Variants in SH3YL1 observed in about 807,000 individuals in gnomAD.
SH3YL1 encodes the protein SH3 domain-containing YSC84-like protein 1.
Under a neutral mutation model 45.8 loss-of-function variants are expected in SH3YL1, and 41 were observed. That is an observed-to-expected ratio of 0.89 (90% CI 0.70 to 1.16). The LOEUF (loss-of-function observed/expected upper bound fraction) is 1.16. SH3YL1 is among the 50% of genes most tolerant of loss of function. The pLI is 0.00. For missense variants in SH3YL1, 389 were observed against 409.6 expected, an observed-to-expected ratio of 0.95 and a Z score of 0.43; for synonymous variants, 152 against 151.4, an observed-to-expected ratio of 1.00 and a Z score of -0.03.
At chr2:228,696 G>A (rs999961069) in intron 8 of SH3YL1, among the ~76,000 whole-genome samples, 34 of 152,116 alleles carry the variant, frequency 2.2e-4, no homozygotes, top group Non-Finnish European at 4.3e-4. Flanking sequence ...AGTGGACCAC[G>A]GCTTATCCCA....
intron 8 of SH3YL1, among the ~76,000 whole-genome samples, chr2:225,886 T>G (rs747715699): frequency 6.6e-6 from 1 of 152,098 alleles, no homozygotes; most frequent in South Asian, 2.1e-4. Context: ...TCTCAACAAA[T>G]GGAAAGCATG....
intron 7 of SH3YL1, 136 bp from the exon 8 acceptor site, chr2:230,180 A>G (rs1667974059): frequency 1.6e-6 from 1 of 606,710 alleles, no homozygotes; most frequent in East Asian, 2.8e-5. Flanking sequence ...CTCAAAGCTC[A>G]CATGCACCCC....
rs1354585789 is a variant in SH3YL1 at position 234,213 on chromosome 2, G to A, written c.351C>T (p.Gly117=). Residue 117 remains glycine, a synonymous_variant, in exon 5 of 10, where the codon GGC becomes GGT. Coordinates refer to ENST00000356150, the MANE Select transcript of SH3YL1 (RefSeq NM_015677.4). ...AGTTCCCTCCGAGGGTCAGATTTCCGCCTTTTGCAAAAGCTTCTACAGCAC... is the reference window on the plus strand; with the variant it reads ...AGTTCCCTCCGAGGGTCAGATTTCCACCTTTTGCAAAAGCTTCTACAGCAC... ...YDRAVEAFAK[G]GNLTLGGNLT... 5 of 1,613,996 alleles carry A rather than the reference G, an allele frequency of 3.1e-6. No individual in the cohort carries two copies. In the East Asian group the frequency reaches 6.7e-5, roughly 22 times the overall value.
rs140516915 is a variant in SH3YL1 at position 255,073 on chromosome 2, C to T, written c.2-1958G>A. 6.8e-4 allele frequency among the ~76,000 whole-genome samples: 103 copies of T among 152,288 alleles called. 1 individual carries two copies. In the East Asian group the frequency reaches 0.018, roughly 27 times the overall value. On this transcript the variant is annotated intron_variant, in intron 1 of 9. Coordinates refer to ENST00000356150, the MANE Select transcript of SH3YL1 (RefSeq NM_015677.4). ...AACTATACTCAAATCGCCTTGAGCA[C>T]GTCATCAGGACCTCCTGAGGCTGTG...
intron 4 of SH3YL1, among the ~76,000 whole-genome samples, chr2:242,554 C>T (rs1668587745): frequency 6.6e-6 from 1 of 151,722 alleles, no homozygotes; most frequent in Admixed American, 6.6e-5. Flanking sequence ...TGCCATAGTA[C>T]AAAATGTTCA....
chr2:243,590 C>T lies in SH3YL1; in HGVS notation c.291+3948G>A, dbSNP rs369459239. ...ATTAAAAAAAAAACAGACCTCGAGT[C>T]GGTAACCTGAACTACCTATCAACAT... On this transcript the variant is annotated intron_variant, in intron 4 of 9. Transcript: ENST00000356150. 4.3e-5 allele frequency: 65 copies of T among 1,519,276 alleles called. 1 individual carries two copies. The highest frequency in any genetic ancestry group is 3.7e-4 in the South Asian group (29 of 77,390). The allele number at this position is 1,519,276 out of a possible 1,614,324, so 94.1% of individuals were successfully genotyped here. A position where few individuals can be genotyped will look rare whatever the true frequency, so the allele number is the denominator to read the frequency against.
intron 2 of SH3YL1, among the ~76,000 whole-genome samples, chr2:252,315 T>C (rs149001320): frequency 1.3e-5 from 2 of 152,316 alleles, no homozygotes; most frequent in African/African-American, 4.8e-5. Flanking sequence ...TTAAAATTTA[T>C]GTATGAGATT....
At chr2:219,564 A>C (rs987968004) in intron 9 of SH3YL1, among the ~76,000 whole-genome samples, 2 of 152,144 alleles carry the variant, frequency 1.3e-5, no homozygotes, top group Non-Finnish European at 2.9e-5. Context: ...CAGCCTCCAG[A>C]AGCGTGAGAA....
intron 8 of SH3YL1, among the ~76,000 whole-genome samples, chr2:229,496 G>A (rs934488514): frequency 1.3e-5 from 2 of 152,106 alleles, no homozygotes; most frequent in South Asian, 4.1e-4. Flanking sequence ...TTGGGAGGCC[G>A]AGGCGGGCAG....
chr2:224,536 A>G (rs1667711589), intron 9 of SH3YL1, among the ~76,000 whole-genome samples: 1 of 152,196 alleles, frequency 6.6e-6, no homozygotes, highest in Non-Finnish European at 1.5e-5. Flanking sequence ...GGGGCTCAGC[A>G]GCCCTGTCCC....
intron 9 of SH3YL1, among the ~76,000 whole-genome samples, chr2:221,690 C>T (rs757022481): frequency 1.6e-4 from 24 of 152,136 alleles, no homozygotes; most frequent in Non-Finnish European, 2.6e-4. Flanking sequence ...TTCCTTGTGC[C>T]CAATTCCTCA....
chr2:249,438 C>G (rs1462109725), intron 3 of SH3YL1, among the ~76,000 whole-genome samples: 1 of 152,178 alleles, frequency 6.6e-6, no homozygotes, highest in African/African-American at 2.4e-5. Flanking sequence ...AATGCACATA[C>G]TGCCATGTTT....
At chr2:264,227 G>A (rs7584915), upstream of SH3YL1, 156,998 of 490,870 alleles carry the variant, frequency 0.32, 25,788 homozygotes, top group Non-Finnish European at 0.34. Flanking sequence ...GAAAAGCCCA[G>A]AGCCCCGCGG....
chr2:257,860 T>A (rs1399719770), intron 1 of SH3YL1, among the ~76,000 whole-genome samples: 1 of 152,238 alleles, frequency 6.6e-6, no homozygotes, highest in Non-Finnish European at 1.5e-5. Context: ...CCTGTTTCAG[T>A]CTTCTGTGTA....
At chr2:254,513 G>A (rs538331366) in intron 1 of SH3YL1, among the ~76,000 whole-genome samples, 3 of 152,292 alleles carry the variant, frequency 2.0e-5, no homozygotes, top group East Asian at 1.9e-4. Context: ...GGATCTGGAA[G>A]GTTGAAGGCA....
chr2:226,990 A>G (rs1667811252), intron 8 of SH3YL1, among the ~76,000 whole-genome samples: 2 of 152,106 alleles, frequency 1.3e-5, no homozygotes, highest in Admixed American at 6.5e-5. Flanking sequence ...GGGAATGCAT[A>G]TGGTGGGTAG....
Position 263,985 on chromosome 2 carries a change from G to T in SH3YL1, c.-1C>A. The T allele has an allele frequency of 6.8e-7, 1 of 1,469,106 alleles. No homozygotes were observed. Among genetic ancestry groups the T allele is most frequent in the Non-Finnish European group, 9.0e-7 (1 of 1,105,282 alleles). 91.0% of individuals were successfully genotyped at this position (1,469,106 alleles called of 1,614,324 possible). A position where few individuals can be genotyped will look rare whatever the true frequency, so the allele number is the denominator to read the frequency against. On this transcript the variant is annotated splice_region_variant and 5_prime_UTR_variant, in exon 1 of 10. Transcript: ENST00000356150. ...ACAGGTGGGTCCCCGGGTACTCACT[G>T]CTGCCCGCCCGGCCGCGGCGCCCCG...
At chr2:235,961 T>C (rs569578613) in intron 4 of SH3YL1, among the ~76,000 whole-genome samples, 4 of 22,342 alleles carry the variant, frequency 1.8e-4, no homozygotes, top group Admixed American at 5.8e-4. Flanking sequence ...GCAGCATGGG[T>C]CAGGGGAGGC....
At chr2:231,947 G>T (rs1264949958) in intron 6 of SH3YL1, among the ~76,000 whole-genome samples, 1 of 151,880 alleles carries the variant, frequency 6.6e-6, no homozygotes, top group Admixed American at 6.6e-5. Context: ...GACTCGGTGG[G>T]GTAAACACTG....
Sources: gnomAD v4.1 joint callset for allele counts (sites outside exome capture counted in the v4.1 genomes callset) on GRCh38, gnomAD v4.1.1 for gene constraint, MANE v1.5 for transcripts, NCBI Gene and HGNC (gene_info 2026-07-23, HGNC 2026-07-21) for gene names.